The following PLXDC2 variants were observed in gnomAD, a reference collection of about 807,000 sequenced individuals.
The protein encoded by PLXDC2 is plexin domain-containing protein 2.
Under a neutral mutation model 68.9 loss-of-function variants are expected in PLXDC2, and 40 were observed. That is an observed-to-expected ratio of 0.58 (90% CI 0.45 to 0.76). The LOEUF is 0.76. PLXDC2 is among the 30% of genes least tolerant of loss of function. The probability of loss-of-function intolerance (pLI) is 0.00; values close to 1 mark genes in which losing one functional copy is unlikely to be tolerated. For synonymous variants in PLXDC2, 243 were observed against 234.2 expected (o/e 1.04, Z -0.34); for missense variants, 644 against 661.9 (o/e 0.97, Z 0.30).
chr10:19,838,725 G>T (rs922604974), intron 1 of PLXDC2, among the ~76,000 whole-genome samples: 8 of 152,154 alleles, frequency 5.3e-5, no homozygotes, highest in Non-Finnish European at 1.2e-4. Flanking sequence ...TTTCATAATT[G>T]GGAATAAAGA....
In PLXDC2 at chr10:20,279,833, G is replaced by T; in HGVS notation, c.*14G>T. 3 of 1,607,838 alleles carry T rather than the reference G, an allele frequency of 1.9e-6. No homozygotes were observed. The highest frequency in any genetic ancestry group is 2.6e-6 in the Non-Finnish European group (3 of 1,174,442). On this transcript the variant is annotated 3_prime_UTR_variant, in exon 14 of 14. Transcript: ENST00000377252. Reference sequence around the variant, plus strand: ...GAGCAGTGCTAAAATTTCTAGGACAGAACAACACCAGTACTGGTTTACAGG... The same window carrying T: ...GAGCAGTGCTAAAATTTCTAGGACATAACAACACCAGTACTGGTTTACAGG...
At chr10:20,276,017 C>T (rs181581476) in intron 13 of PLXDC2, among the ~76,000 whole-genome samples, 1 of 152,168 alleles carries the variant, frequency 6.6e-6, no homozygotes. Context: ...AGTAACAAGA[C>T]GTGACTTTCC....
In PLXDC2 at chr10:20,289,264, A is replaced by G. The variant is rs1836199283; in HGVS notation, c.*9445A>G. Reference sequence around the variant, plus strand: ...TAGAAAACAAAGATTTCAGGATTGCACAGTGTGTGGGCAATGGGATGGAGA... The same window carrying G: ...TAGAAAACAAAGATTTCAGGATTGCGCAGTGTGTGGGCAATGGGATGGAGA... On this transcript the variant is annotated 3_prime_UTR_variant, in exon 14 of 14. Transcript: ENST00000377252. 1 of 152,194 alleles carries G rather than the reference A, an allele frequency of 6.6e-6. No individual in the cohort carries two copies. The highest frequency in any genetic ancestry group is 6.5e-5 in the Admixed American group (1 of 15,276). 9.4% of individuals were successfully genotyped at this position (152,194 alleles called of 1,614,324 possible). A position where few individuals can be genotyped will look rare whatever the true frequency, so the allele number is the denominator to read the frequency against.
chr10:20,193,213 A>G (rs1178926780), intron 9 of PLXDC2, among the ~76,000 whole-genome samples: 1 of 152,072 alleles, frequency 6.6e-6, no homozygotes, highest in Non-Finnish European at 1.5e-5. Context: ...CACAGACCAT[A>G]TGGCCTGTAA....
At chr10:20,161,022 T>G (rs1834283656) in intron 6 of PLXDC2, among the ~76,000 whole-genome samples, 2 of 152,054 alleles carry the variant, frequency 1.3e-5, no homozygotes, top group Non-Finnish European at 2.9e-5. Context: ...TCCCAGAAAA[T>G]TAGGATGAGC....
At chr10:19,871,732 A>T (rs960796296) in intron 1 of PLXDC2, among the ~76,000 whole-genome samples, 1 of 151,962 alleles carries the variant, frequency 6.6e-6, no homozygotes, top group Non-Finnish European at 1.5e-5. Flanking sequence ...TAAAAATACA[A>T]AAAATCCGCC....
intron 1 of PLXDC2, among the ~76,000 whole-genome samples, chr10:19,892,551 A>C (rs1837983602): frequency 6.6e-6 from 1 of 152,232 alleles, no homozygotes; most frequent in African/African-American, 2.4e-5. Flanking sequence ...TGCTATGTAC[A>C]TAGTCATGTC....
chr10:20,210,932 A>T (rs1245270454), intron 9 of PLXDC2, among the ~76,000 whole-genome samples: 1 of 152,116 alleles, frequency 6.6e-6, no homozygotes, highest in Non-Finnish European at 1.5e-5. Context: ...CTTGTGACTA[A>T]TCTTATCTTC....
chr10:20,082,587 A>G (rs1158225010), intron 4 of PLXDC2, among the ~76,000 whole-genome samples: 1 of 152,170 alleles, frequency 6.6e-6, no homozygotes, highest in Non-Finnish European at 1.5e-5. Context: ...GTAGCTCGAT[A>G]TTTTCTATAA....
chr10:20,014,386 C>CCTTG (rs1835171075), intron 2 of PLXDC2, among the ~76,000 whole-genome samples: 2 of 15,606 alleles, frequency 1.3e-4, no homozygotes, highest in Non-Finnish European at 3.8e-4. Flanking sequence ...TTCCTTGCTT[C>CCTTG]CTTCCTTCCT....
At chr10:19,871,225 G>C (rs1837528516) in intron 1 of PLXDC2, among the ~76,000 whole-genome samples, 1 of 152,158 alleles carries the variant, frequency 6.6e-6, no homozygotes, top group African/African-American at 2.4e-5. Context: ...TAAAGAATTA[G>C]GACCTCATGA....
At chr10:19,927,960 C>T (rs1833566199) in intron 1 of PLXDC2, among the ~76,000 whole-genome samples, 1 of 152,038 alleles carries the variant, frequency 6.6e-6, no homozygotes, top group African/African-American at 2.4e-5. Context: ...TACCTTCCTC[C>T]ATTCTGAGTC....
intron 13 of PLXDC2, among the ~76,000 whole-genome samples, chr10:20,254,051 A>G (rs1320763296): frequency 6.6e-6 from 1 of 152,182 alleles, no homozygotes; most frequent in African/African-American, 2.4e-5. Context: ...GCACCCGGTT[A>G]CAGAGCCAAG....
At chr10:20,022,627 C>T (rs1458894970) in intron 2 of PLXDC2, among the ~76,000 whole-genome samples, 1 of 152,040 alleles carries the variant, frequency 6.6e-6, no homozygotes, top group African/African-American at 2.4e-5. Context: ...GAACAAACTC[C>T]CTCCTCTACA....
intron 4 of PLXDC2, among the ~76,000 whole-genome samples, chr10:20,083,749 A>G (rs1833147527): frequency 6.6e-6 from 1 of 152,182 alleles, no homozygotes; most frequent in African/African-American, 2.4e-5. Flanking sequence ...TATTTTGTTA[A>G]GAAAAATTAT....
chr10:19,845,034 C>T (rs1360736720), intron 1 of PLXDC2, among the ~76,000 whole-genome samples: 1 of 152,068 alleles, frequency 6.6e-6, no homozygotes, highest in Non-Finnish European at 1.5e-5. Context: ...TGGTAGGAAC[C>T]CACTGGGACA....
At chr10:20,163,599 T>G (rs1834335281) in intron 6 of PLXDC2, among the ~76,000 whole-genome samples, 1 of 152,118 alleles carries the variant, frequency 6.6e-6, no homozygotes, top group South Asian at 2.1e-4. Flanking sequence ...CATTTATTCT[T>G]TTCTTTTACT....
intron 9 of PLXDC2, among the ~76,000 whole-genome samples, chr10:20,185,597 G>A (rs922140470): frequency 6.6e-6 from 1 of 151,964 alleles, no homozygotes; most frequent in Non-Finnish European, 1.5e-5. Flanking sequence ...TCACTAGTTA[G>A]AGTCAGTATA....
chr10:19,869,061 T>C (rs763851080), intron 1 of PLXDC2, among the ~76,000 whole-genome samples: 6 of 152,134 alleles, frequency 3.9e-5, no homozygotes, highest in Admixed American at 6.6e-5. Flanking sequence ...GTTAGAGAAC[T>C]CAGGGTTCAA....
Sources: gnomAD v4.1 joint callset for allele counts (sites outside exome capture counted in the v4.1 genomes callset) on GRCh38, gnomAD v4.1.1 for gene constraint, MANE v1.5 for transcripts, NCBI Gene and HGNC (gene_info 2026-07-23, HGNC 2026-07-21) for gene names.